The following ACTN2 variants were observed in gnomAD, a reference collection of about 807,000 sequenced individuals.
ACTN2 encodes the protein actinin alpha 2, also known as alpha-actinin-2.
In ACTN2, 39 loss-of-function variants were observed where a neutral mutation model predicts 113.8. The ratio of observed to expected loss-of-function variants is 0.34; its 90% CI spans 0.27 to 0.45. ACTN2 has a LOEUF of 0.45. Ranked by LOEUF, ACTN2 falls within the 20% of genes least tolerant of loss-of-function variation. The pLI is 1.00. For synonymous variants in ACTN2, 429 were observed against 444.1 expected, an observed-to-expected ratio of 0.97 and a Z score of 0.43; for missense variants, 992 against 1,177.9, an observed-to-expected ratio of 0.84 and a Z score of 2.31.
rs769938559 is a variant in ACTN2 at position 236,735,591 on chromosome 1, T to C, written c.698-44T>C. The C allele has an allele frequency of 4.3e-6, 6 of 1,392,172 alleles. No individual in the cohort carries two copies. The South Asian group carries it at 7.0e-5, about 16-fold the overall frequency. The allele number at this position is 1,392,172 out of a possible 1,614,324, so 86.2% of individuals were successfully genotyped here. A position where few individuals can be genotyped will look rare whatever the true frequency, so the allele number is the denominator to read the frequency against. Reference sequence around the variant, plus strand: ...CTCTCCTTCGTCTGTATGTGTGTGGTGTGTGTGTGTGCGCGCGTCCTGTGT... The same window carrying C: ...CTCTCCTTCGTCTGTATGTGTGTGGCGTGTGTGTGTGCGCGCGTCCTGTGT... On this transcript the variant is annotated intron_variant, in intron 7 of 20. Coordinates refer to ENST00000366578, the MANE Select transcript of ACTN2 (RefSeq NM_001103.4).
At chr1:236,746,387 G>C (rs1659239523) in intron 12 of ACTN2, among the ~76,000 whole-genome samples, 1 of 151,996 alleles carries the variant, frequency 6.6e-6, no homozygotes, top group Non-Finnish European at 1.5e-5. Flanking sequence ...GTTATCCCTG[G>C]AGGTACTGGG....
rs752841623 is a variant in ACTN2 at position 236,762,982 on chromosome 1, C to T, written c.*363C>T. The T allele has an allele frequency of 6.8e-5, 21 of 310,136 alleles. No individual in the cohort carries two copies. The highest frequency in any genetic ancestry group is 9.4e-5 in the Admixed American group (2 of 21,362). 19.2% of individuals were successfully genotyped at this position (310,136 alleles called of 1,614,324 possible). On this transcript the variant is annotated 3_prime_UTR_variant, in exon 21 of 21. Transcript: ENST00000366578. ...ATACAAAATACCCAAGATTTAAGAC[C>T]GGGGGGAAAAAACCACAAATTGGTA...
At chr1:236,761,702 T>C (rs144332566) in intron 20 of ACTN2, among the ~76,000 whole-genome samples, 5 of 152,282 alleles carry the variant, frequency 3.3e-5, no homozygotes, top group African/African-American at 1.2e-4. Flanking sequence ...CAGTTCAGAA[T>C]TGTAATATTT....
At chr1:236,694,074 T>A (rs1033642217) in intron 1 of ACTN2, among the ~76,000 whole-genome samples, 2 of 152,142 alleles carry the variant, frequency 1.3e-5, no homozygotes. Flanking sequence ...CTGCAGCTGC[T>A]TTACTGAGAG....
At position 236,760,846 on chromosome 1, in the gene ACTN2, C is replaced by A. The variant is rs111935712; in HGVS notation, c.2368-169C>A. The stretch of plus-strand genomic sequence containing the variant: ...TTTAAAATTGTTTGGTAGCAGTAAA[C>A]CTTAGTCACCCTTAAGGGGAATCTT... On this transcript the variant is annotated intron_variant, in intron 19 of 20. Coordinates refer to ENST00000366578, the MANE Select transcript of ACTN2 (RefSeq NM_001103.4). Among the ~76,000 whole-genome samples, 556 of 152,308 alleles carry A rather than the reference C, an allele frequency of 3.7e-3. 2 individuals are homozygous for A. Among genetic ancestry groups the A allele is most frequent in the African/African-American group, 0.013 (526 of 41,576 alleles).
chr1:236,742,981 G>T lies in ACTN2; in HGVS notation c.1193G>T (p.Arg398Leu), dbSNP rs752906680. The T allele has an allele frequency of 6.2e-7, 1 of 1,614,138 alleles. No individual in the cohort carries two copies. The highest frequency in any genetic ancestry group is 8.5e-7 in the Non-Finnish European group (1 of 1,180,026). The change falls in exon 11 of 21, where the codon CGC (arginine) becomes CTC (leucine). Residue 398 changes from arginine (R) to leucine (L), a missense_variant. By Grantham distance (102) the Arg-to-Leu change is moderately radical (BLOSUM62 -2). Coordinates refer to ENST00000366578, the MANE Select transcript of ACTN2 (RefSeq NM_001103.4). ...CTCAATGAGATTCGGAGACTGGAGC[G>T]CTTGGAACACCTGGCTGAGAAGTTC... ...WLLNEIRRLE[R>L]LEHLAEKFRQ...
chr1:236,730,818 T>A (rs1187514951), intron 6 of ACTN2, among the ~76,000 whole-genome samples: 1 of 152,204 alleles, frequency 6.6e-6, no homozygotes, highest in Non-Finnish European at 1.5e-5. Flanking sequence ...TTCTTTCATC[T>A]CTTTACCCCT....
Position 236,718,901 on chromosome 1 carries a change from G to T in ACTN2, c.249G>T (p.Arg83Ser), listed in dbSNP as rs376981679. ...MLLLEVISGE[R>S]LPKPDRGKMR... ...TCTCTTTTCATCCAACAGGGGAAAG[G>T]CTGCCCAAACCTGACCGGGGAAAAA... The change falls in exon 3 of 21, where the codon AGG becomes AGT. Residue 83 changes from arginine (R) to serine (S), a missense_variant. Physicochemically the swap from Arg to Ser is moderately radical, Grantham distance 110. This residue lies in a region of ACTN2 where 220 missense variants were observed against 337.5 expected (regional missense o/e 0.65). Transcript: ENST00000366578. The T allele has an allele frequency of 6.2e-7, 1 of 1,614,152 alleles. No individual in the cohort carries two copies. Among genetic ancestry groups the T allele is most frequent in the Non-Finnish European group, 8.5e-7 (1 of 1,180,022 alleles).
rs372801863 is a variant in ACTN2, at chr1:236,759,815, A to G, written c.2367+26A>G. 18 of 1,593,874 alleles carry G rather than the reference A, an allele frequency of 1.1e-5. No homozygotes were observed. In the African/African-American group the frequency reaches 1.7e-4, roughly 15 times the overall value. On this transcript the variant is annotated intron_variant, in intron 19 of 20. Transcript: ENST00000366578. The stretch of plus-strand genomic sequence containing the variant: ...GTAAGACAGAAGTTGAAATTGTACT[A>G]AGATTTGATATTTTATTGAATTTGG...
At chr1:236,742,779 CA>C in intron 10 of ACTN2, 116 bp from the exon 11 acceptor site, 1 of 1,353,006 alleles carries the variant, frequency 7.4e-7, no homozygotes, top group Non-Finnish European at 1.0e-6. Context: ...GAAAAGAAAA[CA>C]AAAGGAAAAC....
intron 14 of ACTN2, among the ~76,000 whole-genome samples, chr1:236,750,333 C>T (rs1659358792): frequency 6.6e-6 from 1 of 152,172 alleles, no homozygotes; most frequent in South Asian, 2.1e-4. Flanking sequence ...TGCACCTGCA[C>T]GCCAGGGGAA....
chr1:236,736,596 G>T (rs1658883844), intron 8 of ACTN2: 1 of 1,470,874 alleles, frequency 6.8e-7, no homozygotes, highest in African/African-American at 1.5e-5. Flanking sequence ...CTCTGTGGAA[G>T]GATCCCCCTC....
Position 236,763,752 on chromosome 1 carries a change from TA to T in ACTN2, c.*1135del, listed in dbSNP as rs1659774132. 2 of 152,216 alleles carry T rather than the reference TA, an allele frequency of 1.3e-5. No individual in the cohort carries two copies. The highest frequency in any genetic ancestry group is 1.3e-4 in the Admixed American group (2 of 15,278). 9.4% of individuals were successfully genotyped at this position (152,216 alleles called of 1,614,324 possible). ...ACCCCTGGGATTGGACAGTGTATCC[TA>T]ACAAGTCCCATGTCTGGTTCTGTGT... On this transcript the variant is annotated 3_prime_UTR_variant, in exon 21 of 21. Transcript: ENST00000366578.
At chr1:236,699,172 C>T (rs1657603304) in intron 1 of ACTN2, among the ~76,000 whole-genome samples, 1 of 152,154 alleles carries the variant, frequency 6.6e-6, no homozygotes, top group South Asian at 2.1e-4. Context: ...GCTTTCTGCT[C>T]GGATTTGTAA....
At chr1:236,746,427 G>A (rs1175568554) in intron 12 of ACTN2, among the ~76,000 whole-genome samples, 1 of 152,102 alleles carries the variant, frequency 6.6e-6, no homozygotes, top group East Asian at 1.9e-4. Flanking sequence ...TTTGCTTTAG[G>A]TTGGGTGCAG....
chr1:236,759,191 G>C (rs1659635704), intron 18 of ACTN2, among the ~76,000 whole-genome samples: 2 of 152,270 alleles, frequency 1.3e-5, no homozygotes, highest in Middle Eastern at 3.4e-3. Context: ...TGACGTATCT[G>C]CATTCATTAA....
chr1:236,737,657 G>T (rs1658932991), intron 9 of ACTN2, among the ~76,000 whole-genome samples: 1 of 151,840 alleles, frequency 6.6e-6, no homozygotes, highest in Admixed American at 6.6e-5. Flanking sequence ...GGCCCAGCCT[G>T]GTGTGCGGAG....
At chr1:236,705,643 A>G (rs1572101237) in intron 1 of ACTN2, among the ~76,000 whole-genome samples, 1 of 152,252 alleles carries the variant, frequency 6.6e-6, no homozygotes, top group Admixed American at 6.5e-5. Flanking sequence ...CTTATGGACA[A>G]TGCAGAAGTT....
At chr1:236,692,322 C>G (rs780637730) in intron 1 of ACTN2, among the ~76,000 whole-genome samples, 6 of 152,220 alleles carry the variant, frequency 3.9e-5, no homozygotes, top group African/African-American at 4.8e-5. Context: ...AATGTCAAGA[C>G]AGTGGTATTG....
Sources: allele counts gnomAD v4.1 joint callset (sites outside exome capture counted in the v4.1 genomes callset), GRCh38; gene constraint gnomAD v4.1.1; regional missense constraint gnomAD v4.1.1; transcripts MANE v1.5; gene names NCBI Gene and HGNC (gene_info 2026-07-23, HGNC 2026-07-21).